Variants in OR2L13 observed in about 807,000 individuals in gnomAD.
The protein encoded by OR2L13 is olfactory receptor family 2 subfamily L member 13.
A neutral mutation model predicts 15.3 loss-of-function variants in OR2L13; 14 were observed. That is an observed-to-expected ratio of 0.91 (90% confidence interval 0.60 to 1.43). The LOEUF (loss-of-function observed/expected upper bound fraction) is 1.43. Among genes scored for constraint, OR2L13 ranks in the 40% most tolerant of loss-of-function variants. The pLI, the probability that OR2L13 is intolerant of heterozygous loss-of-function variation, is 0.00. For missense variants in OR2L13, 367 were observed against 387.9 expected (o/e 0.95, Z 0.45); for synonymous variants, 152 against 142.9 (o/e 1.06, Z -0.45).
chr1:248,099,910 G>A (rs747401128), exon 3 of OR2L13: 18 of 1,613,926 alleles, frequency 1.1e-5, no homozygotes, highest in South Asian at 3.3e-5. Context: ...TTTCTTCTGC[G>A]ATGTCCCAGC....
chr1:247,957,172 G>A, the OR2L13 span, among the ~76,000 whole-genome samples: 121,957 of 151,782 alleles, frequency 0.8, 52,895 homozygotes, highest in South Asian at 0.95. Context: ...GAATTTTGTC[G>A]AAGGCCTTTT....
At chr1:247,971,147 TAAAA>T in the OR2L13 span, among the ~76,000 whole-genome samples, 1 of 152,186 alleles carries the variant, frequency 6.6e-6, no homozygotes, top group South Asian at 2.1e-4. Flanking sequence ...TCTCCAAAGA[TAAAA>T]AAATTAAATC....
At chr1:248,029,474 A>G in the OR2L13 span, among the ~76,000 whole-genome samples, 1 of 152,124 alleles carries the variant, frequency 6.6e-6, no homozygotes, top group Non-Finnish European at 1.5e-5. Context: ...TCTAAATATT[A>G]ATAAACCAAA....
chr1:248,018,819 G>A, the OR2L13 span, among the ~76,000 whole-genome samples: 1 of 151,910 alleles, frequency 6.6e-6, no homozygotes, highest in African/African-American at 2.4e-5. Flanking sequence ...CCCTTCCCCG[G>A]TCCCCTGGGG....
At chr1:248,016,840 A>G in the OR2L13 span, among the ~76,000 whole-genome samples, 2 of 152,084 alleles carry the variant, frequency 1.3e-5, no homozygotes, top group African/African-American at 4.8e-5. Flanking sequence ...TGTGTGATGT[A>G]GAGAAGTTCA....
At chr1:248,037,537 A>G in the OR2L13 span, among the ~76,000 whole-genome samples, 2 of 152,210 alleles carry the variant, frequency 1.3e-5, no homozygotes, top group Non-Finnish European at 2.9e-5. Context: ...ATAAATGTAT[A>G]TATTTCTTAG....
chr1:248,004,963 T>C, the OR2L13 span, among the ~76,000 whole-genome samples: 1 of 152,070 alleles, frequency 6.6e-6, no homozygotes, highest in Non-Finnish European at 1.5e-5. Flanking sequence ...CTAAAATTTT[T>C]AAAAATGGAA....
the OR2L13 span, chr1:247,975,752 G>C: frequency 7.1e-6 from 3 of 423,560 alleles, no homozygotes; most frequent in South Asian, 6.8e-5. Flanking sequence ...TGCCAGGAGC[G>C]TGGAACAAAA....
the OR2L13 span, among the ~76,000 whole-genome samples, chr1:248,076,771 A>G: frequency 6.6e-6 from 1 of 152,218 alleles, no homozygotes; most frequent in African/African-American, 2.4e-5. Context: ...CTAAATATAC[A>G]TTCATGTTAT....
At chr1:247,979,992 C>T in the OR2L13 span, among the ~76,000 whole-genome samples, 1 of 152,102 alleles carries the variant, frequency 6.6e-6, no homozygotes, top group Admixed American at 6.5e-5. Flanking sequence ...TAAATTCATA[C>T]AATAACAGTG....
the OR2L13 span, chr1:247,949,213 A>T: frequency 2.5e-6 from 4 of 1,614,114 alleles, no homozygotes; most frequent in South Asian, 3.3e-5. Context: ...TCTATGGCCT[A>T]TGATCGTTAC....
chr1:247,946,606 G>GT, the OR2L13 span, among the ~76,000 whole-genome samples: 1 of 152,150 alleles, frequency 6.6e-6, no homozygotes, highest in African/African-American at 2.4e-5. Context: ...TATCTTTCCA[G>GT]TTTTTCCCCA....
chr1:248,038,091 A>G, the OR2L13 span: 5 of 506,466 alleles, frequency 9.9e-6, no homozygotes, highest in Non-Finnish European at 1.7e-5. Flanking sequence ...TAATTTATAA[A>G]TTAAAGTTTA....
the OR2L13 span, among the ~76,000 whole-genome samples, chr1:247,944,185 A>G: frequency 2.6e-5 from 4 of 152,122 alleles, no homozygotes; most frequent in Non-Finnish European, 5.9e-5. Context: ...TAAGATTCAT[A>G]TAAATTTTAG....
chr1:248,002,357 C>T, the OR2L13 span, among the ~76,000 whole-genome samples: 1 of 152,284 alleles, frequency 6.6e-6, no homozygotes, highest in Admixed American at 6.5e-5. Context: ...CTACCATGCA[C>T]CTATCTCCAA....
At chr1:247,975,751 C>T in the OR2L13 span, 31,935 of 420,762 alleles carry the variant, frequency 0.076, 1,920 homozygotes, top group African/African-American at 0.2. Context: ...ATGCCAGGAG[C>T]GTGGAACAAA....
At chr1:248,053,083 C>G in the OR2L13 span, among the ~76,000 whole-genome samples, 1 of 152,014 alleles carries the variant, frequency 6.6e-6, no homozygotes, top group African/African-American at 2.4e-5. Flanking sequence ...TGCACTAGCT[C>G]TTTTCCCTAA....
the OR2L13 span, among the ~76,000 whole-genome samples, chr1:248,044,730 G>A: frequency 1.1e-5 from 1 of 88,814 alleles, no homozygotes; most frequent in Non-Finnish European, 1.9e-5. Flanking sequence ...GTGAACCCGG[G>A]AAGCGGAGCT....
chr1:248,049,194 A>G, the OR2L13 span, among the ~76,000 whole-genome samples: 1 of 152,244 alleles, frequency 6.6e-6, no homozygotes, highest in Admixed American at 6.5e-5. Flanking sequence ...CTTGTGATTC[A>G]GTTTTTCTTC....
Sources: gnomAD v4.1 joint callset for allele counts (sites outside exome capture counted in the v4.1 genomes callset) on GRCh38, gnomAD v4.1.1 for gene constraint, MANE v1.5 for transcripts, NCBI Gene and HGNC (gene_info 2026-07-23, HGNC 2026-07-21) for gene names.